Variants in CNTNAP3B observed in about 807,000 individuals in gnomAD.
CNTNAP3B encodes the protein contactin-associated protein-like 3B.
A neutral mutation model predicts 108.9 loss-of-function variants in CNTNAP3B; 25 were observed. The observed-to-expected ratio is 0.23, with a 90% CI of 0.17 to 0.32. The LOEUF is 0.32. Among genes scored for constraint, CNTNAP3B ranks in the 10% least tolerant of loss-of-function variants. The probability of loss-of-function intolerance (pLI) is 1.00; values close to 1 mark genes in which losing one functional copy is unlikely to be tolerated. For missense variants in CNTNAP3B, 252 were observed against 1,210.4 expected, an observed-to-expected ratio of 0.21 and a Z score of 11.75; for synonymous variants, 103 against 473.4, an observed-to-expected ratio of 0.22 and a Z score of 10.16.
intron 2 of CNTNAP3B, among the ~76,000 whole-genome samples, chr9:42,094,351 A>AC (rs1279454084): frequency 7.4e-6 from 1 of 134,862 alleles, no homozygotes; most frequent in Non-Finnish European, 1.6e-5. Context: ...TGCATTTAAA[A>AC]AAAAAAAACA....
chr9:42,125,607 C>T lies in CNTNAP3B; in HGVS notation c.85+3403G>A, dbSNP rs1186615534. The stretch of plus-strand genomic sequence containing the variant: ...TCATTTCCATGGGCTACTTCAGCTC[C>T]GTACTGTTTGTATAGAGTTTGGTGA... On this transcript the variant is annotated intron_variant, in intron 1 of 23. Transcript: ENST00000377561. Among the ~76,000 whole-genome samples, 19 of 138,222 alleles carry T rather than the reference C, an allele frequency of 1.4e-4. 3 individuals are homozygous for T. The highest frequency in any genetic ancestry group is 2.0e-4 in the Non-Finnish European group (13 of 64,658). 90.7% of individuals were successfully genotyped at this position (138,222 alleles called of 152,430 possible).
intron 18 of CNTNAP3B, among the ~76,000 whole-genome samples, chr9:41,917,455 A>T (rs1349261803): frequency 7.1e-6 from 1 of 141,514 alleles, no homozygotes; most frequent in Non-Finnish European, 1.5e-5. Context: ...CAAGCTGTGT[A>T]TTTTCATGGC....
intron 13 of CNTNAP3B, among the ~76,000 whole-genome samples, chr9:41,952,823 T>C (rs1245449359): frequency 2.0e-5 from 3 of 149,584 alleles, no homozygotes; most frequent in African/African-American, 4.9e-5. Flanking sequence ...AGTAAGGAGG[T>C]TACCGGTTCC....
chr9:41,923,106 A>G (rs1306527553), intron 16 of CNTNAP3B, among the ~76,000 whole-genome samples: 1 of 121,372 alleles, frequency 8.2e-6, no homozygotes, highest in East Asian at 2.4e-4. Context: ...CTCAGAGTTC[A>G]CAATTCAACC....
At position 42,120,596 on chromosome 9, in the gene CNTNAP3B, G is replaced by T. The variant is rs1242465050; in HGVS notation, c.85+8414C>A. On this transcript the variant is annotated intron_variant, in intron 1 of 23. Coordinates refer to ENST00000377561, the MANE Select transcript of CNTNAP3B (RefSeq NM_001201380.3). ...CCAAATGTCAATCAATGATAGACTG[G>T]ATTAAGAAAATGTGGCACATATACA... 1.7e-4 allele frequency among the ~76,000 whole-genome samples: 24 copies of T among 138,080 alleles called. 3 individuals are homozygous for T. Among genetic ancestry groups the T allele is most frequent in the Non-Finnish European group, 3.1e-4 (20 of 64,738 alleles). 90.6% of individuals were successfully genotyped at this position (138,080 alleles called of 152,430 possible). A position where few individuals can be genotyped will look rare whatever the true frequency, so the allele number is the denominator to read the frequency against.
intron 3 of CNTNAP3B, among the ~76,000 whole-genome samples, chr9:42,014,434 GCAGT>G (rs1826184757): frequency 1.1e-5 from 1 of 89,910 alleles, no homozygotes; most frequent in South Asian, 3.4e-4. Context: ...GAACAGGCCA[GCAGT>G]TAGTTCAACC....
At chr9:42,118,306 C>T (rs1308195950) in intron 1 of CNTNAP3B, among the ~76,000 whole-genome samples, 1 of 139,350 alleles carries the variant, frequency 7.2e-6, no homozygotes, top group Non-Finnish European at 1.5e-5. Flanking sequence ...AATACAGCAA[C>T]ACATCAAAAA....
At chr9:41,967,415 C>T (rs1489545167) in intron 10 of CNTNAP3B, among the ~76,000 whole-genome samples, 2 of 150,884 alleles carry the variant, frequency 1.3e-5, no homozygotes, top group Admixed American at 1.3e-4. Flanking sequence ...CTTCTGCTAT[C>T]ATTGTGAGGT....
chr9:42,024,362 GC>G (rs1451166410), intron 3 of CNTNAP3B, among the ~76,000 whole-genome samples: 1 of 88,940 alleles, frequency 1.1e-5, no homozygotes, highest in Non-Finnish European at 2.3e-5. Flanking sequence ...ACTCACCACT[GC>G]CCCCATTGGT....
At chr9:41,954,718 C>G (rs1824802652) in intron 12 of CNTNAP3B, among the ~76,000 whole-genome samples, 3 of 152,250 alleles carry the variant, frequency 2.0e-5, no homozygotes, top group African/African-American at 7.2e-5. Flanking sequence ...GAGTCTCGCT[C>G]TGTTGCCCAG....
chr9:42,111,074 C>T (rs1464782877), intron 1 of CNTNAP3B, among the ~76,000 whole-genome samples: 1 of 138,606 alleles, frequency 7.2e-6, no homozygotes. Context: ...GCTCACCCTA[C>T]CACCTGGGGC....
In CNTNAP3B at chr9:41,953,231, G is replaced by C; in HGVS notation, c.2032C>G (p.Gln678Glu). The change falls in exon 13 of 24, where the codon CAG becomes GAG. Residue 678 changes from glutamine (Q) to glutamate (E), a missense_variant. Transcript: ENST00000377561. ...AAVNLAERCE[Q>E]RLALRCGTAR... ...GTCCCGCAGCGCAGAGCCAGCCGCT[G>C]CTCGCAGCGCTCCGCCAGGTTCACC... The C allele has an allele frequency of 6.5e-7, 1 of 1,528,168 alleles. No individual in the cohort carries two copies. Among genetic ancestry groups the C allele is most frequent in the Non-Finnish European group, 8.7e-7 (1 of 1,146,626 alleles). 94.7% of individuals were successfully genotyped at this position (1,528,168 alleles called of 1,614,324 possible). A position where few individuals can be genotyped will look rare whatever the true frequency, so the allele number is the denominator to read the frequency against.
intron 11 of CNTNAP3B, among the ~76,000 whole-genome samples, chr9:41,963,915 C>T (rs1164408032): frequency 6.6e-6 from 1 of 152,418 alleles, no homozygotes; most frequent in Non-Finnish European, 1.5e-5. Flanking sequence ...TAGCAGAGGG[C>T]TGACATAAGT....
intron 3 of CNTNAP3B, among the ~76,000 whole-genome samples, chr9:42,020,428 GACAAATTT>G: frequency 6.6e-6 from 1 of 151,038 alleles, no homozygotes; most frequent in South Asian, 2.1e-4. Context: ...TTGGATCTGG[GACAAATTT>G]CCTGTGTGAG....
chr9:42,043,192 A>T (rs1244542849), intron 3 of CNTNAP3B, among the ~76,000 whole-genome samples: 1 of 97,806 alleles, frequency 1.0e-5, no homozygotes, highest in Non-Finnish European at 2.1e-5. Context: ...TTTTTTTGAG[A>T]CAGTCTCACT....
At chr9:42,041,787 G>A (rs1310621847) in intron 3 of CNTNAP3B, among the ~76,000 whole-genome samples, 5 of 139,214 alleles carry the variant, frequency 3.6e-5, no homozygotes, top group Non-Finnish European at 7.7e-5. Context: ...ACACATGCAC[G>A]TGTGTTTATT....
chr9:42,119,377 T>A (rs1405185636), intron 1 of CNTNAP3B, among the ~76,000 whole-genome samples: 3 of 133,278 alleles, frequency 2.3e-5, no homozygotes, highest in African/African-American at 9.2e-5. Flanking sequence ...GTAGGAAGAA[T>A]CAGTATCATG....
intron 10 of CNTNAP3B, among the ~76,000 whole-genome samples, chr9:41,969,763 G>A (rs1202656541): frequency 2.4e-5 from 3 of 125,196 alleles, no homozygotes; most frequent in East Asian, 2.8e-4. Flanking sequence ...GACTACAGGC[G>A]CCTGCCACCA....
At chr9:42,018,660 T>G (rs1487930225) in intron 3 of CNTNAP3B, among the ~76,000 whole-genome samples, 1 of 151,708 alleles carries the variant, frequency 6.6e-6, no homozygotes, top group Non-Finnish European at 1.5e-5. Context: ...TCCAGCAGGA[T>G]GCTGACTCCT....
Sources: allele counts gnomAD v4.1 joint callset (sites outside exome capture counted in the v4.1 genomes callset), GRCh38; gene constraint gnomAD v4.1.1; transcripts MANE v1.5; gene names NCBI Gene and HGNC (gene_info 2026-07-23, HGNC 2026-07-21).